CADM1: variants seen among roughly 807,000 people sequenced by gnomAD.
CADM1 encodes cell adhesion molecule 1.
In CADM1, 15 loss-of-function variants were observed where a neutral mutation model predicts 53.1. The observed-to-expected ratio is 0.28, with a 90% confidence interval of 0.19 to 0.44. CADM1 has a LOEUF of 0.44. CADM1 is among the 20% of genes least tolerant of loss of function. The pLI, the probability that CADM1 is intolerant of heterozygous loss-of-function variation, is 1.00. For synonymous variants in CADM1, 281 were observed against 243.0 expected (o/e 1.16, Z -1.45); for missense variants, 434 against 611.3 (o/e 0.71, Z 3.06).
intron 10 of CADM1, among the ~76,000 whole-genome samples, chr11:115,182,187 G>A (rs1939345444): frequency 6.6e-6 from 1 of 152,168 alleles, no homozygotes; most frequent in Non-Finnish European, 1.5e-5. Flanking sequence ...GAATCGGGCA[G>A]GCAACGAAAC....
chr11:115,209,668 A>G lies in CADM1; in HGVS notation c.995-11T>C. The G allele has an allele frequency of 6.2e-7, 1 of 1,612,566 alleles. No individual in the cohort carries two copies. The highest frequency in any genetic ancestry group is 1.1e-5 in the South Asian group (1 of 90,940). ...TAGTTGTGGGGGGATCTGGATAGAAAAAAAAAGGAAAATCAAACCCACAAT... is the reference window on the plus strand; with the variant it reads ...TAGTTGTGGGGGGATCTGGATAGAAGAAAAAAGGAAAATCAAACCCACAAT... On this transcript the variant is annotated splice_polypyrimidine_tract_variant and intron_variant, in intron 7 of 11. Transcript: ENST00000331581.
At chr11:115,410,248 G>C (rs1253323083) in intron 1 of CADM1, among the ~76,000 whole-genome samples, 2 of 152,134 alleles carry the variant, frequency 1.3e-5, no homozygotes, top group Admixed American at 6.5e-5. Flanking sequence ...CTTACAAATT[G>C]TGCTTCTTAG....
intron 1 of CADM1, among the ~76,000 whole-genome samples, chr11:115,491,123 T>C (rs1198244444): frequency 1.3e-5 from 2 of 152,074 alleles, no homozygotes; most frequent in Non-Finnish European, 2.9e-5. Context: ...GTTTGAGGCA[T>C]TTATTTGCCA....
At chr11:115,470,319 A>G (rs1948985319) in intron 1 of CADM1, among the ~76,000 whole-genome samples, 1 of 152,244 alleles carries the variant, frequency 6.6e-6, no homozygotes. Flanking sequence ...GTAGTTTGAA[A>G]CTGTCTTCAA....
At chr11:115,234,344 T>C (rs1402690507) in intron 3 of CADM1, among the ~76,000 whole-genome samples, 5 of 152,162 alleles carry the variant, frequency 3.3e-5, no homozygotes, top group Non-Finnish European at 7.3e-5. Context: ...CAGGTACAGA[T>C]AAGGATCGAG....
At chr11:115,212,626 T>C (rs1941013736) in intron 7 of CADM1, among the ~76,000 whole-genome samples, 2 of 152,278 alleles carry the variant, frequency 1.3e-5, no homozygotes, top group East Asian at 1.9e-4. Flanking sequence ...GATCATCTCA[T>C]ATTGAAGGGG....
chr11:115,490,464 T>C (rs1357795330), intron 1 of CADM1, among the ~76,000 whole-genome samples: 1 of 147,626 alleles, frequency 6.8e-6, no homozygotes, highest in South Asian at 2.2e-4. Flanking sequence ...AGGGGTGCGA[T>C]CTCAGCTCAC....
At chr11:115,320,891 C>T (rs1944807284) in intron 1 of CADM1, among the ~76,000 whole-genome samples, 1 of 151,962 alleles carries the variant, frequency 6.6e-6, no homozygotes, top group Non-Finnish European at 1.5e-5. Flanking sequence ...TTTTGAATTT[C>T]ATTATTTTAC....
rs75541193 is a variant in CADM1 at position 115,392,161 on chromosome 11, C to T, written c.124+112110G>A. ...CCTTGCTTATTTTTTTCCATAGTTGCTGTCATTCTTAAAATACTATACAAT... is the reference window on the plus strand; with the variant it reads ...CCTTGCTTATTTTTTTCCATAGTTGTTGTCATTCTTAAAATACTATACAAT... On this transcript the variant is annotated intron_variant, in intron 1 of 11. Transcript: ENST00000331581. Among the ~76,000 whole-genome samples the T allele has an allele frequency of 3.1e-3, 479 of 152,104 alleles. 2 individuals carry two copies. The highest frequency in any genetic ancestry group is 0.011 in the African/African-American group (451 of 41,472).
chr11:115,368,524 C>T (rs1199417423), intron 1 of CADM1, among the ~76,000 whole-genome samples: 1 of 151,976 alleles, frequency 6.6e-6, no homozygotes, highest in Non-Finnish European at 1.5e-5. Context: ...AACATGAGAG[C>T]CTTTGTAAGA....
intron 1 of CADM1, among the ~76,000 whole-genome samples, chr11:115,341,689 AC>A (rs1241454983): frequency 6.6e-6 from 1 of 152,212 alleles, no homozygotes; most frequent in Admixed American, 6.5e-5. Flanking sequence ...TAAGCAGCTC[AC>A]AGCATTGGTT....
At chr11:115,306,080 A>ACACACACACACT (rs1944363519) in intron 1 of CADM1, among the ~76,000 whole-genome samples, 1 of 150,034 alleles carries the variant, frequency 6.7e-6, no homozygotes, top group Non-Finnish European at 1.5e-5. Flanking sequence ...TACCACACAC[A>ACACACACACACT]CACACACACA....
intron 6 of CADM1, among the ~76,000 whole-genome samples, chr11:115,215,543 C>T (rs1941144951): frequency 6.6e-6 from 1 of 152,190 alleles, no homozygotes; most frequent in Admixed American, 6.6e-5. Flanking sequence ...GGCTAATCAC[C>T]ATGGCATGCA....
chr11:115,277,797 C>T (rs192798446), intron 1 of CADM1, among the ~76,000 whole-genome samples: 21 of 152,232 alleles, frequency 1.4e-4, no homozygotes, highest in Admixed American at 1.4e-3. Flanking sequence ...CATCAAGGAC[C>T]TTAGGATCTA....
chr11:115,189,006 GT>G (rs995721090), intron 10 of CADM1, among the ~76,000 whole-genome samples: 1 of 151,972 alleles, frequency 6.6e-6, no homozygotes, highest in Non-Finnish European at 1.5e-5. Context: ...GTGCTAATCA[GT>G]TTTTGATTAG....
chr11:115,317,484 A>G (rs1231679728), intron 1 of CADM1, among the ~76,000 whole-genome samples: 3 of 152,208 alleles, frequency 2.0e-5, no homozygotes, highest in Admixed American at 1.3e-4. Flanking sequence ...TGCAGCTTCT[A>G]TTAGAACGTT....
rs1395675906 is a variant in CADM1, at chr11:115,331,873, C to T, written c.125-91453G>A. On this transcript the variant is annotated intron_variant, in intron 1 of 11. Transcript: ENST00000331581. ...GATGTAACTAAAATGAAATATAGAC[C>T]TTTTTTTTTGTTTTTTTGAGTTCAA... Among the ~76,000 whole-genome samples the T allele has an allele frequency of 6.1e-5, 9 of 146,884 alleles. No individual in the cohort carries two copies. The South Asian group carries it at 2.0e-3, about 32-fold the overall frequency.
intron 1 of CADM1, among the ~76,000 whole-genome samples, chr11:115,290,775 T>C (rs539611242): frequency 1.3e-5 from 2 of 152,256 alleles, no homozygotes; most frequent in African/African-American, 2.4e-5. Context: ...TTTGAGCTTG[T>C]TGGCTATGGA....
At chr11:115,237,432 TA>T (rs912418309) in intron 3 of CADM1, among the ~76,000 whole-genome samples, 8 of 152,072 alleles carry the variant, frequency 5.3e-5, no homozygotes, top group East Asian at 1.9e-4. Context: ...GCTTAATGAA[TA>T]AAAAAAATTT....
Sources: gnomAD v4.1 joint callset for allele counts (sites outside exome capture counted in the v4.1 genomes callset) on GRCh38, gnomAD v4.1.1 for gene constraint, MANE v1.5 for transcripts, NCBI Gene and HGNC (gene_info 2026-07-23, HGNC 2026-07-21) for gene names.